Variants in SESN3 observed in about 807,000 individuals in gnomAD.
The protein encoded by SESN3 is sestrin 3, also known as sestrin-3.
Under a neutral mutation model 55.3 loss-of-function variants are expected in SESN3, and 21 were observed. The observed-to-expected ratio is 0.38, with a 90% CI of 0.27 to 0.55. SESN3 has a LOEUF of 0.55. Among genes scored for constraint, SESN3 ranks in the 20% least tolerant of loss-of-function variants. The pLI is 0.76. For missense variants in SESN3, 408 were observed against 604.3 expected (o/e 0.68, Z 3.41); for synonymous variants, 181 against 203.1 (o/e 0.89, Z 0.93).
chr11:95,175,387 C>G (rs1859936722), intron 9 of SESN3, 111 bp downstream of exon 9: 1 of 979,978 alleles, frequency 1.0e-6, no homozygotes, highest in Middle Eastern at 2.3e-4. Context: ...GATGCCACTT[C>G]CATGTCAATG....
chr11:95,194,014 A>G (rs144905535), intron 1 of SESN3, among the ~76,000 whole-genome samples: 46 of 152,232 alleles, frequency 3.0e-4, no homozygotes, highest in African/African-American at 1.0e-3. Flanking sequence ...AAATGTAAAA[A>G]TTAGAGAAGG....
intron 1 of SESN3, among the ~76,000 whole-genome samples, chr11:95,211,507 C>T (rs567211277): frequency 6.6e-6 from 1 of 152,302 alleles, no homozygotes; most frequent in Non-Finnish European, 1.5e-5. Flanking sequence ...AAGGCTCATG[C>T]CTATAATCCC....
At chr11:95,204,741 C>G (rs1414565749) in intron 1 of SESN3, 1 of 152,204 alleles carries the variant, frequency 6.6e-6, no homozygotes, top group Non-Finnish European at 1.5e-5. Context: ...GACTTCTCAG[C>G]TTGCGGAACT....
chr11:95,184,307 A>C (rs957942933), intron 6 of SESN3, 113 bp downstream of exon 6: 3 of 848,360 alleles, frequency 3.5e-6, no homozygotes, highest in Admixed American at 2.4e-5. Flanking sequence ...AGGAGAACTA[A>C]ATAAGAGAAA....
chr11:95,175,649 G>C lies in SESN3; in HGVS notation c.1248-7C>G. ...ATAATCATAGTCATCATACCTACGA[G>C]CAATACAACAATAGCTTTATAATGA... On this transcript the variant is annotated splice_polypyrimidine_tract_variant and splice_region_variant and intron_variant, in intron 8 of 9. Coordinates refer to ENST00000536441, the MANE Select transcript of SESN3 (RefSeq NM_144665.4). 1 of 1,606,012 alleles carries C rather than the reference G, an allele frequency of 6.2e-7. No homozygotes were observed. Among genetic ancestry groups the C allele is most frequent in the South Asian group, 1.1e-5 (1 of 90,586 alleles).
intron 1 of SESN3, among the ~76,000 whole-genome samples, chr11:95,219,149 T>C (rs1860814963): frequency 6.6e-6 from 1 of 152,156 alleles, no homozygotes; most frequent in African/African-American, 2.4e-5. Context: ...ATATAGGTCA[T>C]ACTCTATTAA....
In SESN3 at chr11:95,172,166, T is replaced by C. The variant is rs1479504384; in HGVS notation, c.*1089A>G. Reference sequence around the variant, plus strand: ...TATTTTTTGAACATATTGCACTCTGTTTTTGTAGTTCAATCACATTAATGC... The same window carrying C: ...TATTTTTTGAACATATTGCACTCTGCTTTTGTAGTTCAATCACATTAATGC... On this transcript the variant is annotated 3_prime_UTR_variant, in exon 10 of 10. Transcript: ENST00000536441. 6.6e-6 allele frequency: 1 copy of C among 152,194 alleles called. No individual in the cohort carries two copies. The highest frequency in any genetic ancestry group is 1.5e-5 in the Non-Finnish European group (1 of 68,010). The allele number at this position is 152,194 out of a possible 1,614,324, so 9.4% of individuals were successfully genotyped here. A position where few individuals can be genotyped will look rare whatever the true frequency, so the allele number is the denominator to read the frequency against.
At chr11:95,189,673 T>C (rs1488829241) in intron 4 of SESN3, 106 bp downstream of exon 4, 1 of 687,614 alleles carries the variant, frequency 1.5e-6, no homozygotes, top group Non-Finnish European at 2.3e-6. Flanking sequence ...TCATCTTTTC[T>C]ACACATACTA....
At chr11:95,174,807 A>G (rs1859924712) in intron 9 of SESN3, among the ~76,000 whole-genome samples, 1 of 151,896 alleles carries the variant, frequency 6.6e-6, no homozygotes, top group Non-Finnish European at 1.5e-5. Context: ...TTTTTAAAAT[A>G]TTTTTTTAAT....
intron 1 of SESN3, among the ~76,000 whole-genome samples, chr11:95,205,416 A>C (rs1171295507): frequency 6.6e-6 from 1 of 152,182 alleles, no homozygotes; most frequent in East Asian, 1.9e-4. Context: ...TTAATTAAGC[A>C]GTATGGATTA....
intron 1 of SESN3, chr11:95,204,831 C>T (rs1415142534): frequency 6.6e-6 from 1 of 152,148 alleles, no homozygotes; most frequent in African/African-American, 2.4e-5. Flanking sequence ...AAGACAAGCT[C>T]ATTTTCTGGA....
chr11:95,177,169 T>G (rs1396766394), intron 8 of SESN3, among the ~76,000 whole-genome samples: 1 of 152,160 alleles, frequency 6.6e-6, no homozygotes, highest in African/African-American at 2.4e-5. Context: ...GACTATTCAA[T>G]CTCATGTACT....
At chr11:95,207,931 C>T (rs1860581407) in intron 1 of SESN3, among the ~76,000 whole-genome samples, 1 of 151,054 alleles carries the variant, frequency 6.6e-6, no homozygotes, top group African/African-American at 2.4e-5. Context: ...GCCTGGGCCT[C>T]CCACAGTGCT....
At chr11:95,206,365 TACACACACACACACACACACACACAC>T (rs3032056) in intron 1 of SESN3, among the ~76,000 whole-genome samples, 1 of 140,468 alleles carries the variant, frequency 7.1e-6, no homozygotes, top group African/African-American at 2.6e-5. Flanking sequence ...AGTCCTAAAA[TACACACACACACACACACACACACAC>T]ACACACACAC....
At chr11:95,217,105 CAA>C (rs61672704) in intron 1 of SESN3, among the ~76,000 whole-genome samples, 36 of 106,506 alleles carry the variant, frequency 3.4e-4, no homozygotes, top group Admixed American at 2.0e-4. Flanking sequence ...GACTCTGTCT[CAA>C]AAAAAAAAAA....
At position 95,185,398 on chromosome 11, in the gene SESN3, A is replaced by G; in HGVS notation, c.620T>C (p.Val207Ala). Residue 207 changes from valine to alanine, a missense_variant, in exon 5 of 10, where the codon GTT (valine) becomes GCT (alanine). Physicochemically the swap from Val to Ala is moderately conservative, Grantham distance 64. Transcript: ENST00000536441. ...LAHYHALASF[V>A]FGSGINPERD... ...CTCTGGATTGATACCACTACCAAAAACAAAGCTTGCCAAAGCATGATAATG... is the reference window on the plus strand; with the variant it reads ...CTCTGGATTGATACCACTACCAAAAGCAAAGCTTGCCAAAGCATGATAATG... The G allele has an allele frequency of 6.2e-7, 1 of 1,613,340 alleles. No homozygotes were observed. The highest frequency in any genetic ancestry group is 8.5e-7 in the Non-Finnish European group (1 of 1,179,444).
intron 1 of SESN3, among the ~76,000 whole-genome samples, chr11:95,208,822 G>A (rs1025596045): frequency 6.6e-6 from 1 of 151,478 alleles, no homozygotes; most frequent in African/African-American, 2.4e-5. Flanking sequence ...AATGAGGAAA[G>A]GATTCCCTAT....
chr11:95,192,674 T>C (rs1023679961), intron 2 of SESN3, among the ~76,000 whole-genome samples: 3 of 152,106 alleles, frequency 2.0e-5, no homozygotes, highest in African/African-American at 7.2e-5. Context: ...TAGGGAAATT[T>C]AATCCCAAAG....
chr11:95,221,310 GAAGT>G lies in SESN3; in HGVS notation c.78+9469_78+9472del, dbSNP rs1860855253. On this transcript the variant is annotated intron_variant, in intron 1 of 9. Transcript: ENST00000536441. ...CAGAGTGAGACTCCAAAAAAAAAAG[GAAGT>G]AAGAGTCACAGTTTCAGATAATTAC... 2.0e-5 allele frequency among the ~76,000 whole-genome samples: 3 copies of G among 151,746 alleles called. No homozygotes were observed. In the East Asian group the frequency reaches 5.8e-4, roughly 29 times the overall value.
Sources: gnomAD v4.1 joint callset for allele counts (sites outside exome capture counted in the v4.1 genomes callset) on GRCh38, gnomAD v4.1.1 for gene constraint, MANE v1.5 for transcripts, NCBI Gene and HGNC (gene_info 2026-07-23, HGNC 2026-07-21) for gene names.